Variants in ZRANB3 observed in about 807,000 individuals in gnomAD.
ZRANB3 encodes zinc finger RANBP2-type containing 3, also known as DNA annealing helicase and endonuclease ZRANB3.
In ZRANB3, 125 loss-of-function variants were observed where a neutral mutation model predicts 133.8. That is an observed-to-expected ratio of 0.93 (90% CI 0.81 to 1.08). The LOEUF is 1.08. Among genes scored for constraint, ZRANB3 ranks in the 50% least tolerant of loss-of-function variants. The pLI, the probability that ZRANB3 is intolerant of heterozygous loss-of-function variation, is 0.00. For missense variants in ZRANB3, 1,229 were observed against 1,275.5 expected, an observed-to-expected ratio of 0.96 and a Z score of 0.56; for synonymous variants, 387 against 432.7, an observed-to-expected ratio of 0.89 and a Z score of 1.31.
At chr2:135,206,017 A>G (rs1287729554) in intron 19 of ZRANB3, among the ~76,000 whole-genome samples, 1 of 152,174 alleles carries the variant, frequency 6.6e-6, no homozygotes, top group Admixed American at 6.5e-5. Context: ...ATTCTTACTG[A>G]GAAAATTGGG....
intron 13 of ZRANB3, among the ~76,000 whole-genome samples, chr2:135,228,591 A>G (rs1694856985): frequency 6.6e-6 from 1 of 152,176 alleles, no homozygotes; most frequent in Non-Finnish European, 1.5e-5. Context: ...TGGTGGCTTT[A>G]GAGTAGGATG....
intron 3 of ZRANB3, among the ~76,000 whole-genome samples, chr2:135,390,171 G>A (rs1558964064): frequency 6.6e-6 from 1 of 152,070 alleles, no homozygotes; most frequent in Non-Finnish European, 1.5e-5. Context: ...GAGCCACTGC[G>A]CCTGGCCGTT....
chr2:135,422,846 G>T (rs568759044), intron 2 of ZRANB3, among the ~76,000 whole-genome samples: 2 of 152,174 alleles, frequency 1.3e-5, no homozygotes, highest in African/African-American at 2.4e-5. Context: ...CTCTAGAGAG[G>T]CTGAAACAGA....
At position 135,353,514 on chromosome 2, in the gene ZRANB3, C is replaced by A. The variant is rs770136150; in HGVS notation, c.295G>T (p.Glu99Ter). ...GGACTTAGCTCTGGGATCCATTTTT[C>A]AATTTCTTCTGTCCAAGGGTACCTC... ...SLRYPWTEEI[E>*]KWIPELSPEE... The change falls in exon 4 of 21, where the codon GAA becomes TAA. Residue 99 changes from glutamate (E) to a stop codon, truncating the protein, a stop_gained. Transcript: ENST00000264159. LOFTEE classifies it high-confidence loss of function. The A allele has an allele frequency of 6.2e-6, 10 of 1,609,588 alleles. No homozygotes were observed. The highest frequency in any genetic ancestry group is 1.7e-5 in the Admixed American group (1 of 59,554).
At chr2:135,386,035 T>C (rs1213620157) in intron 3 of ZRANB3, among the ~76,000 whole-genome samples, 1 of 152,078 alleles carries the variant, frequency 6.6e-6, no homozygotes, top group Non-Finnish European at 1.5e-5. Context: ...CAAAAGAAAC[T>C]ACCATCAGAG....
At chr2:135,402,698 T>C (rs1194488656) in intron 2 of ZRANB3, among the ~76,000 whole-genome samples, 3 of 151,916 alleles carry the variant, frequency 2.0e-5, no homozygotes, top group Non-Finnish European at 4.4e-5. Context: ...GCGATTCTCC[T>C]GCTCAGCCTC....
At chr2:135,408,311 A>C (rs1051910930) in intron 2 of ZRANB3, among the ~76,000 whole-genome samples, 8 of 152,150 alleles carry the variant, frequency 5.3e-5, no homozygotes, top group Non-Finnish European at 1.0e-4. Context: ...CGATCATTAA[A>C]AAGTCAGGAA....
At chr2:135,493,970 T>G (rs79795607) in intron 2 of ZRANB3, among the ~76,000 whole-genome samples, 2,454 of 152,046 alleles carry the variant, frequency 0.016, 72 homozygotes, top group African/African-American at 0.056. Flanking sequence ...TGAGAGAAGA[T>G]CCACATAAAC....
chr2:135,293,276 A>G (rs1681859682), intron 8 of ZRANB3, among the ~76,000 whole-genome samples: 1 of 151,936 alleles, frequency 6.6e-6, no homozygotes, highest in Non-Finnish European at 1.5e-5. Flanking sequence ...TTCATTGAGC[A>G]GTGGTTTGTA....
At chr2:135,303,906 C>A (rs1003473512) in intron 8 of ZRANB3, among the ~76,000 whole-genome samples, 1 of 152,062 alleles carries the variant, frequency 6.6e-6, no homozygotes, top group African/African-American at 2.4e-5. Context: ...TATTTCAAAT[C>A]GTATTTTTAA....
intron 6 of ZRANB3, among the ~76,000 whole-genome samples, chr2:135,316,696 G>A (rs1230525392): frequency 1.3e-5 from 2 of 152,012 alleles, no homozygotes; most frequent in African/African-American, 2.4e-5. Context: ...AGCCGGGCAC[G>A]GTGGCTCACG....
At chr2:135,502,433 G>A (rs952570896) in intron 2 of ZRANB3, among the ~76,000 whole-genome samples, 1 of 152,190 alleles carries the variant, frequency 6.6e-6, no homozygotes, top group Non-Finnish European at 1.5e-5. Context: ...ATGAAAAAGG[G>A]AAAAGGCATT....
intron 2 of ZRANB3, among the ~76,000 whole-genome samples, chr2:135,492,674 A>G (rs1321783249): frequency 1.3e-5 from 2 of 152,136 alleles, no homozygotes; most frequent in African/African-American, 4.8e-5. Flanking sequence ...ACAAAGAGAA[A>G]GTCAAACATA....
intron 13 of ZRANB3, among the ~76,000 whole-genome samples, chr2:135,229,889 G>C (rs983957286): frequency 6.6e-6 from 1 of 151,930 alleles, no homozygotes; most frequent in Non-Finnish European, 1.5e-5. Flanking sequence ...TCAGAAAATG[G>C]TATCCCATGC....
At chr2:135,510,179 GA>G (rs982692976) in intron 1 of ZRANB3, among the ~76,000 whole-genome samples, 1 of 152,122 alleles carries the variant, frequency 6.6e-6, no homozygotes, top group African/African-American at 2.4e-5. Flanking sequence ...TCCAATGAAT[GA>G]AACGTACCAA....
chr2:135,491,325 A>C (rs1433507157), intron 2 of ZRANB3, among the ~76,000 whole-genome samples: 5 of 150,742 alleles, frequency 3.3e-5, no homozygotes, highest in Non-Finnish European at 7.4e-5. Context: ...TTGGTAAAGA[A>C]ATAATGTTAA....
At chr2:135,343,592 T>TA (rs1301386639) in intron 6 of ZRANB3, among the ~76,000 whole-genome samples, 126 of 144,614 alleles carry the variant, frequency 8.7e-4, no homozygotes, top group East Asian at 8.3e-3. Context: ...AAAGGAATTA[T>TA]AAAAAAAAAA....
At position 135,229,492 on chromosome 2, in the gene ZRANB3, C is replaced by T. The variant is rs936941356; in HGVS notation, c.1954+1021G>A. Among the ~76,000 whole-genome samples the T allele has an allele frequency of 2.0e-5, 3 of 151,430 alleles. No individual in the cohort carries two copies. The East Asian group carries it at 5.8e-4, about 29-fold the overall frequency. ...ACGCCATTCTCCTGCCTCAGCCTCC[C>T]GAGTAGCTGGGACTACAGGCGCCCG... On this transcript the variant is annotated intron_variant, in intron 13 of 20. Coordinates refer to ENST00000264159, the MANE Select transcript of ZRANB3 (RefSeq NM_032143.4).
chr2:135,250,749 G>A (rs1481144877), intron 12 of ZRANB3, among the ~76,000 whole-genome samples: 5 of 152,230 alleles, frequency 3.3e-5, no homozygotes, highest in Admixed American at 6.5e-5. Flanking sequence ...GGGAACCTCC[G>A]CCTGGATTTC....
Sources: allele counts gnomAD v4.1 joint callset (sites outside exome capture counted in the v4.1 genomes callset), GRCh38; gene constraint gnomAD v4.1.1; transcripts MANE v1.5; gene names NCBI Gene and HGNC (gene_info 2026-07-23, HGNC 2026-07-21).